C4orf36: variants seen among roughly 807,000 people sequenced by gnomAD.
C4orf36 encodes chromosome 4 open reading frame 36, also known as uncharacterized protein C4orf36.
C4orf36 carries 11 observed loss-of-function variants against 12.2 expected under a neutral mutation model. The observed-to-expected ratio is 0.90, with a 90% CI of 0.57 to 1.49. The LOEUF is 1.49. Among genes scored for constraint, C4orf36 ranks in the 40% most tolerant of loss-of-function variants. The pLI is 0.00. For missense variants in C4orf36, 137 were observed against 133.9 expected, an observed-to-expected ratio of 1.02 and a Z score of -0.11; for synonymous variants, 54 against 51.3, an observed-to-expected ratio of 1.05 and a Z score of -0.22.
intron 4 of C4orf36, among the ~76,000 whole-genome samples, chr4:86,879,146 A>G (rs1481368270): frequency 6.6e-6 from 1 of 152,190 alleles, no homozygotes; most frequent in African/African-American, 2.4e-5. Flanking sequence ...CACAAGGCCT[A>G]CAAAGAAACA....
chr4:86,911,922 G>A, the C4orf36 span, among the ~76,000 whole-genome samples: 1 of 151,932 alleles, frequency 6.6e-6, no homozygotes, highest in Non-Finnish European at 1.5e-5. Context: ...GTGCAATGGC[G>A]TGATCTTGGC....
chr4:86,876,347 A>G lies in C4orf36; in HGVS notation c.*99T>C, dbSNP rs1461174556. 3.9e-6 allele frequency: 6 copies of G among 1,552,864 alleles called. No individual in the cohort carries two copies. In the East Asian group the frequency reaches 1.2e-4, roughly 30 times the overall value. Reference sequence around the variant, plus strand: ...GGCCGGGCCAGGATGGCTGCAGCGCAGCGACGGCCGGGGCCGGGAGCGGGT... The same window carrying G: ...GGCCGGGCCAGGATGGCTGCAGCGCGGCGACGGCCGGGGCCGGGAGCGGGT... On this transcript the variant is annotated 3_prime_UTR_variant, in exon 5 of 5. Transcript: ENST00000295898.
the C4orf36 span, among the ~76,000 whole-genome samples, chr4:86,899,587 G>A: frequency 1.3e-5 from 2 of 152,266 alleles, no homozygotes; most frequent in South Asian, 4.1e-4. Context: ...CTTTCAAGAG[G>A]CAGTGGTGGA....
intron 4 of C4orf36, chr4:86,887,506 T>TTGG (rs1747221869): frequency 2.8e-6 from 1 of 362,418 alleles, no homozygotes; most frequent in African/African-American, 2.1e-5. Context: ...TTAAAATGAA[T>TTGG]AGCACAAACG....
At chr4:86,912,741 T>A in the C4orf36 span, among the ~76,000 whole-genome samples, 1 of 152,186 alleles carries the variant, frequency 6.6e-6, no homozygotes, top group Non-Finnish European at 1.5e-5. Flanking sequence ...TAGATATGTA[T>A]ATGAGTGTAT....
the C4orf36 span, chr4:86,914,093 C>T: frequency 1.9e-6 from 3 of 1,608,058 alleles, no homozygotes; most frequent in Non-Finnish European, 2.6e-6. Context: ...TGTGCTTGCT[C>T]ACCCACCAGT....
the C4orf36 span, among the ~76,000 whole-genome samples, chr4:86,904,306 C>T: frequency 2.0e-5 from 3 of 152,226 alleles, no homozygotes; most frequent in East Asian, 5.8e-4. Context: ...CACTTCCCCG[C>T]GAGCACAGGG....
At chr4:86,889,351 C>CAA (rs11357505) in intron 2 of C4orf36, among the ~76,000 whole-genome samples, 1 of 118,290 alleles carries the variant, frequency 8.5e-6, no homozygotes, top group African/African-American at 3.2e-5. Context: ...AACTCCGTCT[C>CAA]AAAAAAAAAA....
Position 86,877,880 on chromosome 4 carries a change from T to A in C4orf36, c.*3-1437A>T, listed in dbSNP as rs1244902481. On this transcript the variant is annotated intron_variant, in intron 4 of 4. Transcript: ENST00000295898. ...AAATCTGCATTTCTATAATTACAGA[T>A]GTACTGATATGCTATCTAGAATTTA... 3.3e-5 allele frequency among the ~76,000 whole-genome samples: 5 copies of A among 152,224 alleles called. No homozygotes were observed. In the South Asian group the frequency reaches 6.2e-4, roughly 19 times the overall value.
the C4orf36 span, chr4:86,913,309 A>T: frequency 1.3e-6 from 1 of 754,332 alleles, no homozygotes. Context: ...CTAAATTGTC[A>T]TGGCTCCACC....
intron 2 of C4orf36, among the ~76,000 whole-genome samples, chr4:86,889,700 G>C (rs1328321231): frequency 6.6e-6 from 1 of 152,076 alleles, no homozygotes; most frequent in African/African-American, 2.4e-5. Flanking sequence ...AGGATCGCTG[G>C]AGGCCAGAAG....
At chr4:86,887,940 G>A in intron 3 of C4orf36, 47 bp from the exon 4 acceptor site, 2 of 1,608,546 alleles carry the variant, frequency 1.2e-6, no homozygotes, top group Non-Finnish European at 1.7e-6. Flanking sequence ...TTTTTCATCA[G>A]GCATAACTAA....
At chr4:86,891,994 T>C (rs1322649282) in intron 1 of C4orf36, 189 bp downstream of exon 1, 3 of 990,516 alleles carry the variant, frequency 3.0e-6, no homozygotes, top group Non-Finnish European at 2.4e-6. Flanking sequence ...AGGTTTTCCC[T>C]CATTCAAAAC....
the C4orf36 span, among the ~76,000 whole-genome samples, chr4:86,932,787 T>TA: frequency 1.6e-3 from 208 of 129,700 alleles, no homozygotes; most frequent in African/African-American, 2.5e-3. Context: ...GGGGTTCTGT[T>TA]AAAAAAAAAA....
At chr4:86,897,708 G>C in the C4orf36 span, among the ~76,000 whole-genome samples, 2 of 152,162 alleles carry the variant, frequency 1.3e-5, no homozygotes, top group Non-Finnish European at 2.9e-5. Flanking sequence ...CAGGTGCCCT[G>C]TTCCTTGGGA....
At chr4:86,917,282 A>G in the C4orf36 span, among the ~76,000 whole-genome samples, 1 of 151,584 alleles carries the variant, frequency 6.6e-6, no homozygotes, top group South Asian at 2.1e-4. Flanking sequence ...CCTGTCTTCA[A>G]AAAAGAGGAA....
At chr4:86,931,966 C>T in the C4orf36 span, among the ~76,000 whole-genome samples, 2 of 145,288 alleles carry the variant, frequency 1.4e-5, no homozygotes, top group Admixed American at 7.1e-5. Flanking sequence ...ACCCGGGAGA[C>T]GGAGCTTGCA....
chr4:86,920,169 G>A, the C4orf36 span, among the ~76,000 whole-genome samples: 5 of 152,146 alleles, frequency 3.3e-5, no homozygotes, highest in Non-Finnish European at 5.9e-5. Context: ...CCTTTACTCC[G>A]GTTTCCAAGA....
the C4orf36 span, among the ~76,000 whole-genome samples, chr4:86,920,098 G>A: frequency 1.3e-5 from 2 of 152,156 alleles, no homozygotes; most frequent in Admixed American, 1.3e-4. Flanking sequence ...TCTGCCTTCT[G>A]TAAAGTCTAG....
Sources: allele counts gnomAD v4.1 joint callset (sites outside exome capture counted in the v4.1 genomes callset), GRCh38; gene constraint gnomAD v4.1.1; transcripts MANE v1.5; gene names NCBI Gene and HGNC (gene_info 2026-07-23, HGNC 2026-07-21).